Variants in TEX14 observed in about 807,000 individuals in gnomAD.
TEX14 encodes testis expressed 14, intercellular bridge forming factor.
A neutral mutation model predicts 178.6 loss-of-function variants in TEX14; 168 were observed. The observed-to-expected ratio is 0.94, with a 90% CI of 0.83 to 1.07. TEX14 has a LOEUF of 1.07. TEX14 is among the 50% of genes least tolerant of loss of function. The probability of loss-of-function intolerance (pLI) is 0.00; values close to 1 mark genes in which losing one functional copy is unlikely to be tolerated. For missense variants in TEX14, 1,730 were observed against 1,753.6 expected (o/e 0.99, Z 0.24); for synonymous variants, 626 against 634.1 (o/e 0.99, Z 0.19).
At chr17:58,566,283 C>T (rs561385162) in intron 26 of TEX14, among the ~76,000 whole-genome samples, 2 of 152,204 alleles carry the variant, frequency 1.3e-5, no homozygotes, top group Non-Finnish European at 2.9e-5. Context: ...GTTATTGTTA[C>T]TCCTATTTAG....
chr17:58,586,109 A>G, intron 17 of TEX14, 27 bp from the exon 18 acceptor site: 5 of 1,594,232 alleles, frequency 3.1e-6, no homozygotes, highest in Non-Finnish European at 4.3e-6. Flanking sequence ...GCAGCATTTA[A>G]AACATCACTG....
intron 1 of TEX14, among the ~76,000 whole-genome samples, chr17:58,668,495 T>C (rs550658164): frequency 1.6e-4 from 24 of 152,324 alleles, no homozygotes; most frequent in African/African-American, 5.8e-4. Flanking sequence ...CAATGCCCAC[T>C]GAAGGCTCAG....
chr17:58,628,197 T>C (rs971588908), intron 3 of TEX14, among the ~76,000 whole-genome samples: 2 of 152,180 alleles, frequency 1.3e-5, no homozygotes. Context: ...TCATACTGAT[T>C]GGCTTTTTTC....
chr17:58,636,427 A>G (rs2046434423), intron 2 of TEX14, among the ~76,000 whole-genome samples: 1 of 151,948 alleles, frequency 6.6e-6, no homozygotes, highest in African/African-American at 2.4e-5. Context: ...TGAGCCTCCT[A>G]GGAGGTAATA....
chr17:58,570,060 C>T (rs79270529), intron 25 of TEX14, among the ~76,000 whole-genome samples: 7,389 of 151,828 alleles, frequency 0.049, 383 homozygotes, highest in African/African-American at 0.13. Flanking sequence ...AAGGGAAAAG[C>T]CTCAAAATAT....
At chr17:58,570,282 A>T in intron 25 of TEX14, 103 bp downstream of exon 25, 1 of 670,426 alleles carries the variant, frequency 1.5e-6, no homozygotes, top group Admixed American at 3.1e-5. Flanking sequence ...TCATGGGGAA[A>T]ACAGCATTTC....
At chr17:58,646,784 T>C (rs1330810661) in intron 2 of TEX14, among the ~76,000 whole-genome samples, 1 of 152,196 alleles carries the variant, frequency 6.6e-6, no homozygotes, top group East Asian at 1.9e-4. Flanking sequence ...TCCCAACTTA[T>C]GTCTGTTTCT....
chr17:58,559,814 G>A (rs2044236999), intron 29 of TEX14, among the ~76,000 whole-genome samples: 2 of 152,154 alleles, frequency 1.3e-5, no homozygotes, highest in Non-Finnish European at 2.9e-5. Flanking sequence ...GAGGCACAGA[G>A]AAGTTAAATT....
intron 2 of TEX14, among the ~76,000 whole-genome samples, chr17:58,645,173 A>G (rs1366836374): frequency 6.6e-6 from 1 of 150,540 alleles, no homozygotes; most frequent in East Asian, 2.0e-4. Flanking sequence ...TTTTTAGTAG[A>G]GACGAGATTT....
At chr17:58,575,997 C>T (rs2044665796) in intron 21 of TEX14, among the ~76,000 whole-genome samples, 1 of 152,112 alleles carries the variant, frequency 6.6e-6, no homozygotes, top group African/African-American at 2.4e-5. Context: ...TGGATTAAAT[C>T]AGACAATGAA....
chr17:58,599,031 A>G lies in TEX14; in HGVS notation c.2314T>C (p.Trp772Arg). 6.2e-7 allele frequency: 1 copy of G among 1,614,116 alleles called. No individual in the cohort carries two copies. The highest frequency in any genetic ancestry group is 8.5e-7 in the Non-Finnish European group (1 of 1,180,020). ...QKEQEERMSL[W>R]ATSREFTNAY... ...TTTGTAAACTCTCTTGAAGTGGCCC[A>G]TAAAGACATGCGCTCTTCCTGTTCC... Residue 772 changes from tryptophan (W) to arginine (R), a missense_variant, in exon 14 of 32, where the codon TGG becomes CGG. Physicochemically the swap from Trp to Arg is moderately radical, Grantham distance 101. This residue lies in a region of TEX14 where 941 missense variants were observed against 1,072.4 expected (regional missense o/e 0.88). Coordinates refer to ENST00000349033, the MANE Select transcript of TEX14 (RefSeq NM_031272.5).
chr17:58,652,118 G>A (rs2046851927), intron 1 of TEX14, 116 bp from the exon 2 acceptor site: 1 of 740,444 alleles, frequency 1.4e-6, no homozygotes, highest in Non-Finnish European at 2.0e-6. Context: ...ATGAAGATTA[G>A]GGGAATAATT....
At chr17:58,612,514 C>T (rs972309037) in intron 9 of TEX14, among the ~76,000 whole-genome samples, 2 of 151,812 alleles carry the variant, frequency 1.3e-5, no homozygotes, top group African/African-American at 4.8e-5. Flanking sequence ...ACAGGTGAAT[C>T]GCCTGAGGTC....
chr17:58,621,542 T>A (rs2045996813), intron 5 of TEX14, 108 bp downstream of exon 5: 7 of 1,184,168 alleles, frequency 5.9e-6, no homozygotes, highest in Non-Finnish European at 8.3e-6. Context: ...ATGGGCCAGA[T>A]GCCAGAGGGC....
intron 19 of TEX14, among the ~76,000 whole-genome samples, chr17:58,580,946 C>A (rs1021778662): frequency 6.6e-6 from 1 of 152,162 alleles, no homozygotes; most frequent in East Asian, 1.9e-4. Flanking sequence ...CTGCAGAACA[C>A]CAGTCTTCCT....
intron 30 of TEX14, 34 bp from the exon 31 acceptor site, chr17:58,557,884 A>G (rs1303713158): frequency 2.5e-6 from 4 of 1,570,502 alleles, no homozygotes; most frequent in South Asian, 2.2e-5. Flanking sequence ...AAAAAACAAC[A>G]TGATTAATTT....
chr17:58,572,415 G>A (rs530734246), intron 23 of TEX14, among the ~76,000 whole-genome samples: 2 of 152,182 alleles, frequency 1.3e-5, no homozygotes, highest in East Asian at 3.9e-4. Flanking sequence ...GGTGGATCAC[G>A]AGGTCAGGAG....
intron 21 of TEX14, among the ~76,000 whole-genome samples, chr17:58,576,689 T>TTCCTTAACC (rs1598351728): frequency 6.6e-6 from 1 of 152,306 alleles, no homozygotes; most frequent in East Asian, 1.9e-4. Flanking sequence ...TCCCCACCCC[T>TTCCTTAACC]TCCTTAACCC....
intron 15 of TEX14, among the ~76,000 whole-genome samples, chr17:58,588,649 T>G (rs926823896): frequency 5.9e-5 from 9 of 152,318 alleles, no homozygotes; most frequent in African/African-American, 2.2e-4. Context: ...ACCTTCAATC[T>G]AGTCCCACTG....
Sources: allele counts gnomAD v4.1 joint callset (sites outside exome capture counted in the v4.1 genomes callset), GRCh38; gene constraint gnomAD v4.1.1; regional missense constraint gnomAD v4.1.1; transcripts MANE v1.5; gene names NCBI Gene and HGNC (gene_info 2026-07-23, HGNC 2026-07-21).